The following CPNE4 variants were observed in gnomAD, a reference collection of about 807,000 sequenced individuals.
The protein encoded by CPNE4 is copine-4.
In CPNE4, 25 loss-of-function variants were observed where a neutral mutation model predicts 67.9. The ratio of observed to expected loss-of-function variants is 0.37; its 90% CI spans 0.27 to 0.51. The LOEUF (loss-of-function observed/expected upper bound fraction) is 0.51. Ranked by LOEUF, CPNE4 falls within the 20% of genes least tolerant of loss-of-function variation. The pLI is 0.93. For missense variants in CPNE4, 464 were observed against 690.8 expected, an observed-to-expected ratio of 0.67 and a Z score of 3.68; for synonymous variants, 242 against 244.9, an observed-to-expected ratio of 0.99 and a Z score of 0.11.
chr3:131,819,657 T>C (rs2084888001), intron 2 of CPNE4, among the ~76,000 whole-genome samples: 1 of 152,186 alleles, frequency 6.6e-6, no homozygotes, highest in Non-Finnish European at 1.5e-5. Context: ...CAACCACGGT[T>C]GCCAACAGAG....
At chr3:131,661,129 G>A (rs916427809) in intron 7 of CPNE4, among the ~76,000 whole-genome samples, 1 of 152,178 alleles carries the variant, frequency 6.6e-6, no homozygotes, top group African/African-American at 2.4e-5. Flanking sequence ...TGTTACTGCA[G>A]CATTGCTTAA....
In CPNE4 at chr3:131,724,491, T is replaced by C. The variant is rs546752481; in HGVS notation, c.181-866A>G. On this transcript the variant is annotated intron_variant, in intron 2 of 15. Transcript: ENST00000429747. ...TGCACTATTCTGTGACATAGGAGAC[T>C]GATGTCTATGGATTGATTTTCCTGG... Among the ~76,000 whole-genome samples, 4 of 152,332 alleles carry C rather than the reference T, an allele frequency of 2.6e-5. No homozygotes were observed. The South Asian group carries it at 8.3e-4, about 32-fold the overall frequency.
intron 1 of CPNE4, among the ~76,000 whole-genome samples, chr3:132,006,319 A>G (rs1041309957): frequency 6.6e-6 from 1 of 152,124 alleles, no homozygotes; most frequent in Non-Finnish European, 1.5e-5. Context: ...AATAAAATTG[A>G]GATAATAATT....
chr3:131,608,319 A>G (rs1426967001), intron 7 of CPNE4, among the ~76,000 whole-genome samples: 3 of 152,170 alleles, frequency 2.0e-5, no homozygotes, highest in Admixed American at 6.6e-5. Context: ...TGGTGCATTT[A>G]ATGTGGAGTA....
At chr3:131,987,970 T>A (rs1282915921) in intron 1 of CPNE4, among the ~76,000 whole-genome samples, 2 of 152,118 alleles carry the variant, frequency 1.3e-5, no homozygotes, top group Admixed American at 1.3e-4. Flanking sequence ...TTGGCTTCCT[T>A]TAGGAAGCCA....
chr3:132,032,483 T>C (rs2074256829), intron 1 of CPNE4, among the ~76,000 whole-genome samples: 1 of 152,248 alleles, frequency 6.6e-6, no homozygotes, highest in Non-Finnish European at 1.5e-5. Context: ...TATGTAATGT[T>C]AATGGAAAAG....
intron 1 of CPNE4, among the ~76,000 whole-genome samples, chr3:132,033,160 C>A (rs2074272622): frequency 1.3e-5 from 2 of 152,318 alleles, no homozygotes; most frequent in South Asian, 2.1e-4. Flanking sequence ...CGCGAATGAG[C>A]AGGATTTAGT....
chr3:131,686,329 G>A (rs1415617022), intron 5 of CPNE4, among the ~76,000 whole-genome samples: 1 of 152,190 alleles, frequency 6.6e-6, no homozygotes, highest in African/African-American at 2.4e-5. Flanking sequence ...GTCTTAAACA[G>A]GTTCATTATA....
At chr3:131,855,333 A>G (rs139040381) in intron 2 of CPNE4, among the ~76,000 whole-genome samples, 1 of 152,082 alleles carries the variant, frequency 6.6e-6, no homozygotes, top group African/African-American at 2.4e-5. Context: ...GTAGCAATGG[A>G]ATTGTGCCCA....
chr3:131,817,001 C>T (rs2084768303), intron 2 of CPNE4, among the ~76,000 whole-genome samples: 1 of 152,184 alleles, frequency 6.6e-6, no homozygotes, highest in Non-Finnish European at 1.5e-5. Flanking sequence ...AGACATAGAA[C>T]AGCTTTAACT....
chr3:132,014,875 C>T (rs1014785449), intron 1 of CPNE4, among the ~76,000 whole-genome samples: 2 of 152,142 alleles, frequency 1.3e-5, no homozygotes, highest in South Asian at 4.2e-4. Context: ...TTTTGTTTAA[C>T]CAAGAATATT....
intron 1 of CPNE4, among the ~76,000 whole-genome samples, chr3:132,019,267 T>A (rs1384379386): frequency 6.6e-6 from 1 of 152,112 alleles, no homozygotes. Context: ...AGACCAAATA[T>A]TAGCATCTTC....
chr3:131,691,756 A>T (rs1273281725), intron 5 of CPNE4, among the ~76,000 whole-genome samples: 1 of 152,190 alleles, frequency 6.6e-6, no homozygotes, highest in Admixed American at 6.5e-5. Context: ...AGAAGAAAAA[A>T]TTCATGAAGG....
At chr3:131,667,040 G>A (rs1292888770) in intron 7 of CPNE4, among the ~76,000 whole-genome samples, 2 of 152,124 alleles carry the variant, frequency 1.3e-5, no homozygotes, top group African/African-American at 2.4e-5. Flanking sequence ...TTTATTATCT[G>A]TTAGCAATGT....
chr3:131,959,491 T>G (rs1391202292), intron 1 of CPNE4, among the ~76,000 whole-genome samples: 1 of 152,204 alleles, frequency 6.6e-6, no homozygotes, highest in East Asian at 1.9e-4. Context: ...ATGCCTGAGT[T>G]GGACAGAATG....
At chr3:131,784,658 T>C (rs9835665) in intron 2 of CPNE4, among the ~76,000 whole-genome samples, 145,780 of 152,242 alleles carry the variant, frequency 0.96, 70,062 homozygotes, top group East Asian at 1. Context: ...GGGATTGGGC[T>C]TCAGATGCCC....
chr3:131,902,025 G>A lies in CPNE4; in HGVS notation c.180+3239C>T, dbSNP rs116273483. On this transcript the variant is annotated intron_variant, in intron 2 of 15. Coordinates refer to ENST00000429747, the MANE Select transcript of CPNE4 (RefSeq NM_130808.3). ...GGTTTTCAGTATTTGCAGCTTCTTT[G>A]TTACTAATTATCTAATTATTTCTCT... Among the ~76,000 whole-genome samples the A allele has an allele frequency of 1.9e-3, 295 of 151,994 alleles. 1 individual carries two copies. Among genetic ancestry groups the A allele is most frequent in the African/African-American group, 6.8e-3 (282 of 41,438 alleles).
intron 3 of CPNE4, among the ~76,000 whole-genome samples, chr3:131,713,871 T>C (rs1041533441): frequency 1.3e-4 from 19 of 151,966 alleles, no homozygotes; most frequent in African/African-American, 4.1e-4. Context: ...AAATCCCAGC[T>C]GCCTATGAGC....
intron 1 of CPNE4, among the ~76,000 whole-genome samples, chr3:131,927,620 T>G (rs1225047): frequency 0.44 from 67,504 of 152,086 alleles, 15,108 homozygotes; most frequent in Non-Finnish European, 0.45. Context: ...GCCAATCAAT[T>G]TTTGTTAACT....
Sources: gnomAD v4.1 joint callset for allele counts (sites outside exome capture counted in the v4.1 genomes callset) on GRCh38, gnomAD v4.1.1 for gene constraint, MANE v1.5 for transcripts, NCBI Gene and HGNC (gene_info 2026-07-23, HGNC 2026-07-21) for gene names.